The following GPM6A variants were observed in gnomAD, a reference collection of about 807,000 sequenced individuals.
GPM6A encodes the protein glycoprotein M6A.
A neutral mutation model predicts 32.1 loss-of-function variants in GPM6A; 7 were observed. The ratio of observed to expected loss-of-function variants is 0.22; its 90% CI spans 0.12 to 0.41. The LOEUF is 0.41. Ranked by LOEUF, GPM6A falls within the 10% of genes least tolerant of loss-of-function variation. GPM6A has a pLI of 1.00. For synonymous variants in GPM6A, 130 were observed against 123.4 expected, an observed-to-expected ratio of 1.05 and a Z score of -0.35; for missense variants, 235 against 347.2, an observed-to-expected ratio of 0.68 and a Z score of 2.57.
At position 175,770,708 on chromosome 4, in the gene GPM6A, C is replaced by T. The variant is rs140994162; in HGVS notation, c.37+41483G>A. On this transcript the variant is annotated intron_variant, in intron 1 of 6. Coordinates refer to ENST00000393658, the MANE Select transcript of GPM6A (RefSeq NM_201591.3). The stretch of plus-strand genomic sequence containing the variant: ...AACATCCCTGCCAGCCCTGATCTTG[C>T]TGCCTCATGGATGACCTCACTGTGC... Among the ~76,000 whole-genome samples the T allele has an allele frequency of 7.6e-3, 1,153 of 152,266 alleles. 15 individuals are homozygous for T. Among genetic ancestry groups the T allele is most frequent in the African/African-American group, 0.026 (1,075 of 41,556 alleles).
intron 1 of GPM6A, among the ~76,000 whole-genome samples, chr4:175,729,137 A>G (rs1731306628): frequency 6.6e-6 from 1 of 152,160 alleles, no homozygotes; most frequent in African/African-American, 2.4e-5. Context: ...CAGATCTAAT[A>G]CCAAAACTCA....
intron 3 of GPM6A, among the ~76,000 whole-genome samples, chr4:175,671,043 T>C (rs1743033764): frequency 6.6e-6 from 1 of 151,920 alleles, no homozygotes; most frequent in East Asian, 1.9e-4. Context: ...TTTTTATTTT[T>C]AGTAGAGACA....
At chr4:175,966,237 A>C (rs1467419249) in intron 1 of GPM6A, among the ~76,000 whole-genome samples, 8 of 151,798 alleles carry the variant, frequency 5.3e-5, no homozygotes, top group Non-Finnish European at 1.0e-4. Context: ...TTCTGTCTCT[A>C]CTAAAAATAC....
chr4:175,637,707 A>C (rs1740858164), intron 6 of GPM6A, among the ~76,000 whole-genome samples: 1 of 59,034 alleles, frequency 1.7e-5, no homozygotes, highest in Non-Finnish European at 2.6e-5. Context: ...ATTATATATT[A>C]TATATATTTA....
In GPM6A at chr4:175,742,344, G is replaced by A. The variant is rs368584246; in HGVS notation, c.38-40577C>T. Among the ~76,000 whole-genome samples, 55 of 152,060 alleles carry A rather than the reference G, an allele frequency of 3.6e-4. No homozygotes were observed. The East Asian group carries it at 4.3e-3, about 12-fold the overall frequency. The stretch of plus-strand genomic sequence containing the variant: ...ATCAGATCAGTTTGCAAAATGGCTC[G>A]CCTGCTTAAAATATAAACTAATTAC... On this transcript the variant is annotated intron_variant, in intron 1 of 6. Transcript: ENST00000393658.
At chr4:175,872,578 CAT>C (rs1236011050) in intron 1 of GPM6A, 1 of 152,152 alleles carries the variant, frequency 6.6e-6, no homozygotes, top group Non-Finnish European at 1.5e-5. Context: ...TTAGAAGAAA[CAT>C]TATAAATTCC....
At chr4:175,644,071 C>CCTTTTCCA (rs1330317319) in intron 4 of GPM6A, among the ~76,000 whole-genome samples, 12 of 151,750 alleles carry the variant, frequency 7.9e-5, no homozygotes, top group Non-Finnish European at 1.5e-4. Context: ...CCCGCTTGGC[C>CCTTTTCCA]CTTTTCCAAC....
At chr4:175,821,739 CT>C (rs1342334063) in intron 1 of GPM6A, among the ~76,000 whole-genome samples, 1 of 151,620 alleles carries the variant, frequency 6.6e-6, no homozygotes. Flanking sequence ...TCTCTCAAGA[CT>C]TTTTTTGACT....
chr4:175,878,679 T>C (rs1737168213), intron 1 of GPM6A, among the ~76,000 whole-genome samples: 1 of 152,052 alleles, frequency 6.6e-6, no homozygotes, highest in African/African-American at 2.4e-5. Context: ...ATGGGCTGCC[T>C]TGAAGGTTTC....
At chr4:175,771,680 C>A (rs1475469414) in intron 1 of GPM6A, among the ~76,000 whole-genome samples, 3 of 151,860 alleles carry the variant, frequency 2.0e-5, no homozygotes, top group African/African-American at 7.3e-5. Context: ...AAGTAAAATG[C>A]CAATGATTAC....
rs536219013 is a variant in GPM6A at position 175,762,107 on chromosome 4, A to G, written c.37+50084T>C. Among the ~76,000 whole-genome samples the G allele has an allele frequency of 1.1e-4, 17 of 152,270 alleles. No individual in the cohort carries two copies. In the South Asian group the frequency reaches 2.9e-3, roughly 26 times the overall value. On this transcript the variant is annotated intron_variant, in intron 1 of 6. Coordinates refer to ENST00000393658, the MANE Select transcript of GPM6A (RefSeq NM_201591.3). ...CTGCACTGGGCCATAATAAGCTTTC[A>G]ATGTCTGAAAAAGATTAGGAGTTCT... is the stretch of plus-strand genomic sequence containing the variant.
intron 6 of GPM6A, among the ~76,000 whole-genome samples, chr4:175,636,565 G>T (rs1460905776): frequency 3.3e-5 from 5 of 150,328 alleles, no homozygotes; most frequent in African/African-American, 1.2e-4. Context: ...GGAGGCCAAG[G>T]CGGGTTGATC....
At chr4:175,907,932 AGCC>A (rs1269272118) in intron 1 of GPM6A, among the ~76,000 whole-genome samples, 1 of 152,160 alleles carries the variant, frequency 6.6e-6, no homozygotes, top group Non-Finnish European at 1.5e-5. Context: ...TAGGGGCCTC[AGCC>A]ATAAACCTAC....
At chr4:175,936,106 C>G (rs565627532) in intron 1 of GPM6A, among the ~76,000 whole-genome samples, 1 of 151,276 alleles carries the variant, frequency 6.6e-6, no homozygotes, top group Non-Finnish European at 1.5e-5. Flanking sequence ...GTGATCGAGA[C>G]CATCCTGGCT....
At chr4:175,914,614 C>T (rs898687011) in intron 1 of GPM6A, among the ~76,000 whole-genome samples, 3 of 152,106 alleles carry the variant, frequency 2.0e-5, no homozygotes, top group South Asian at 2.1e-4. Context: ...TGAGCCACCG[C>T]GTCCGCCTGC....
intron 1 of GPM6A, among the ~76,000 whole-genome samples, chr4:175,709,319 G>A (rs572637687): frequency 5.5e-5 from 8 of 145,408 alleles, no homozygotes; most frequent in Admixed American, 2.8e-4. Context: ...CTCTCTCTAC[G>A]TGGGCCTCTC....
At chr4:175,679,210 G>A (rs140281486) in intron 2 of GPM6A, among the ~76,000 whole-genome samples, 1 of 152,190 alleles carries the variant, frequency 6.6e-6, no homozygotes, top group East Asian at 1.9e-4. Flanking sequence ...TGACATTTAT[G>A]TTGTTGAAGA....
At chr4:175,954,566 G>A (rs1281449008) in intron 1 of GPM6A, among the ~76,000 whole-genome samples, 2 of 152,160 alleles carry the variant, frequency 1.3e-5, no homozygotes, top group Non-Finnish European at 2.9e-5. Flanking sequence ...TCCACCCGAA[G>A]AGTCAAGCCA....
intron 1 of GPM6A, among the ~76,000 whole-genome samples, chr4:175,751,474 T>C (rs915152831): frequency 6.6e-6 from 1 of 152,164 alleles, no homozygotes; most frequent in African/African-American, 2.4e-5. Flanking sequence ...ACTAACCATA[T>C]ATTACTGTAA....
Sources: allele counts gnomAD v4.1 joint callset (sites outside exome capture counted in the v4.1 genomes callset), GRCh38; gene constraint gnomAD v4.1.1; transcripts MANE v1.5; gene names NCBI Gene and HGNC (gene_info 2026-07-23, HGNC 2026-07-21).